The following FHIP1A variants were observed in gnomAD, a reference collection of about 807,000 sequenced individuals.
FHIP1A encodes FHF complex subunit HOOK interacting protein 1A.
FHIP1A carries 61 observed loss-of-function variants against 88.6 expected under a neutral mutation model. That is an observed-to-expected ratio of 0.69 (90% CI 0.56 to 0.85). FHIP1A has a LOEUF of 0.85. Among genes scored for constraint, FHIP1A ranks in the 40% least tolerant of loss-of-function variants. The pLI is 0.00. For missense variants in FHIP1A, 1,154 were observed against 1,273.5 expected, an observed-to-expected ratio of 0.91 and a Z score of 1.43; for synonymous variants, 478 against 496.0, an observed-to-expected ratio of 0.96 and a Z score of 0.48.
At chr4:151,653,377 T>C (rs943580191) in intron 11 of FHIP1A, among the ~76,000 whole-genome samples, 15 of 151,664 alleles carry the variant, frequency 9.9e-5, no homozygotes, top group Admixed American at 2.6e-4. Context: ...TCTCTCTCTC[T>C]CCCCCTCCCT....
intron 1 of FHIP1A, among the ~76,000 whole-genome samples, chr4:151,431,557 A>C (rs998443299): frequency 2.0e-5 from 3 of 152,104 alleles, no homozygotes; most frequent in African/African-American, 7.2e-5. Context: ...TGTGTGAGAT[A>C]GTGCCACTTT....
chr4:151,451,227 A>T (rs1405714565), intron 1 of FHIP1A, among the ~76,000 whole-genome samples: 2 of 151,886 alleles, frequency 1.3e-5, no homozygotes. Flanking sequence ...TGCTCTTTTT[A>T]GGTTAATAAA....
chr4:151,477,439 C>G (rs1580611937), intron 2 of FHIP1A, among the ~76,000 whole-genome samples: 1 of 152,202 alleles, frequency 6.6e-6, no homozygotes, highest in Non-Finnish European at 1.5e-5. Context: ...ATTTTATAAT[C>G]TTGGAGTATG....
At chr4:151,512,784 A>G (rs1429208509) in intron 3 of FHIP1A, among the ~76,000 whole-genome samples, 1 of 152,216 alleles carries the variant, frequency 6.6e-6, no homozygotes, top group Non-Finnish European at 1.5e-5. Context: ...CAAAGCCTCC[A>G]AGAAATATGG....
chr4:151,530,225 ATCCTGTCAG>A (rs1731822460), intron 3 of FHIP1A, among the ~76,000 whole-genome samples: 1 of 152,136 alleles, frequency 6.6e-6, no homozygotes, highest in Non-Finnish European at 1.5e-5. Context: ...CCTGAAGTAG[ATCCTGTCAG>A]TCCTGCTCAT....
At chr4:151,492,077 C>T (rs1043259525) in intron 3 of FHIP1A, among the ~76,000 whole-genome samples, 1 of 152,182 alleles carries the variant, frequency 6.6e-6, no homozygotes, top group South Asian at 2.1e-4. Flanking sequence ...ACTCCACTGA[C>T]AGCACTAGAC....
At chr4:151,458,718 G>C (rs1284686335) in intron 2 of FHIP1A, among the ~76,000 whole-genome samples, 1 of 152,070 alleles carries the variant, frequency 6.6e-6, no homozygotes, top group African/African-American at 2.4e-5. Flanking sequence ...ATTTAATCCA[G>C]GGCTTCTTGT....
intron 1 of FHIP1A, among the ~76,000 whole-genome samples, chr4:151,414,077 G>T (rs1292386584): frequency 2.6e-5 from 4 of 151,242 alleles, no homozygotes; most frequent in Non-Finnish European, 5.9e-5. Flanking sequence ...TTGAGACGGA[G>T]TCTCACTCTG....
intron 8 of FHIP1A, 59 bp downstream of exon 8, chr4:151,629,928 T>G: frequency 2.2e-6 from 3 of 1,337,664 alleles, no homozygotes; most frequent in African/African-American, 3.0e-5. Context: ...AGGAGAGTTT[T>G]TTTTTGGGAA....
chr4:151,516,894 T>C lies in FHIP1A; in HGVS notation c.-123+34246T>C, dbSNP rs1191935305. Among the ~76,000 whole-genome samples the C allele has an allele frequency of 6.6e-5, 10 of 152,058 alleles. No individual in the cohort carries two copies. In the South Asian group the frequency reaches 1.5e-3, roughly 22 times the overall value. On this transcript the variant is annotated intron_variant, in intron 3 of 13. Coordinates refer to ENST00000435205, the MANE Select transcript of FHIP1A (RefSeq NM_001109977.3). ...TCAACCATTGTGGAAGTCAGTGTGGTGATTCCTCAGGGATCTAGAACTAGA... is the reference window on the plus strand; with the variant it reads ...TCAACCATTGTGGAAGTCAGTGTGGCGATTCCTCAGGGATCTAGAACTAGA...
At position 151,545,307 on chromosome 4, in the gene FHIP1A, A is replaced by G. The variant is rs1384075553; in HGVS notation, c.-122-20831A>G. 2.0e-5 allele frequency among the ~76,000 whole-genome samples: 3 copies of G among 151,560 alleles called. No homozygotes were observed. In the East Asian group the frequency reaches 5.8e-4, roughly 29 times the overall value. ...GGCAGAACATACATGTTAAATTCAT[A>G]TCCACCCATATTGCTAATAAGATTG... On this transcript the variant is annotated intron_variant, in intron 3 of 13. Transcript: ENST00000435205.
At chr4:151,435,882 G>GA (rs1728170303) in intron 1 of FHIP1A, among the ~76,000 whole-genome samples, 1 of 151,560 alleles carries the variant, frequency 6.6e-6, no homozygotes, top group Non-Finnish European at 1.5e-5. Context: ...TTTAAAAATA[G>GA]TAATTCCTAG....
intron 3 of FHIP1A, among the ~76,000 whole-genome samples, chr4:151,519,753 T>G (rs1731387881): frequency 6.6e-6 from 1 of 152,200 alleles, no homozygotes; most frequent in Non-Finnish European, 1.5e-5. Flanking sequence ...AAAGTGGTTT[T>G]TTTATTTTAC....
chr4:151,636,298 A>G (rs1396411705), intron 8 of FHIP1A, among the ~76,000 whole-genome samples: 2 of 152,054 alleles, frequency 1.3e-5, no homozygotes, highest in African/African-American at 4.8e-5. Context: ...CATCTATGAA[A>G]AAGTCAGAGC....
chr4:151,568,095 C>G lies in FHIP1A; in HGVS notation c.105+1731C>G, dbSNP rs140485263. Among the ~76,000 whole-genome samples, 252 of 152,272 alleles carry G rather than the reference C, an allele frequency of 1.7e-3. 1 individual carries two copies. The highest frequency in any genetic ancestry group is 6.0e-3 in the African/African-American group (249 of 41,556). On this transcript the variant is annotated intron_variant, in intron 4 of 13. Coordinates refer to ENST00000435205, the MANE Select transcript of FHIP1A (RefSeq NM_001109977.3). ...AGATTCTGTCCCAGGCAGGCTTTCT[C>G]CAAATGTGAGGAATGTGCCAGTACA...
chr4:151,476,161 A>T (rs1451847111), intron 2 of FHIP1A, among the ~76,000 whole-genome samples: 28 of 111,514 alleles, frequency 2.5e-4, no homozygotes, highest in South Asian at 9.2e-4. Context: ...TGCTCGGCCG[A>T]TTTTTTTTTT....
chr4:151,630,016 C>T (rs1736097448), intron 8 of FHIP1A, 147 bp downstream of exon 8: 1 of 677,820 alleles, frequency 1.5e-6, no homozygotes, highest in Non-Finnish European at 2.4e-6. Flanking sequence ...GTGGCCATTA[C>T]CTTCTTTCTA....
rs1404696376 is a variant in FHIP1A, at chr4:151,545,382, T to TC, written c.-122-20756_-122-20755insC. The stretch of plus-strand genomic sequence containing the variant: ...TTCCTTATCCTTCTTTTTTTTTTTT[T>TC]TTTTTTTTTTTTTGAGACAGAGTCT... On this transcript the variant is annotated intron_variant, in intron 3 of 13. Coordinates refer to ENST00000435205, the MANE Select transcript of FHIP1A (RefSeq NM_001109977.3). Among the ~76,000 whole-genome samples the TC allele has an allele frequency of 1.3e-3, 170 of 135,316 alleles. 1 individual carries two copies. The highest frequency in any genetic ancestry group is 4.7e-3 in the African/African-American group (162 of 34,208). The allele number at this position is 135,316 out of a possible 152,430, so 88.8% of individuals were successfully genotyped here.
At chr4:151,496,463 A>C (rs1730464397) in intron 3 of FHIP1A, among the ~76,000 whole-genome samples, 2 of 151,998 alleles carry the variant, frequency 1.3e-5, no homozygotes, top group South Asian at 4.1e-4. Flanking sequence ...TTGTGCTCTC[A>C]TGTAGTTGAC....
Sources: allele counts gnomAD v4.1 joint callset (sites outside exome capture counted in the v4.1 genomes callset), GRCh38; gene constraint gnomAD v4.1.1; transcripts MANE v1.5; gene names NCBI Gene and HGNC (gene_info 2026-07-23, HGNC 2026-07-21).